TMEM132D: variants seen among roughly 807,000 people sequenced by gnomAD.
TMEM132D encodes mature OL transmembrane protein.
TMEM132D carries 21 observed loss-of-function variants against 62.3 expected under a neutral mutation model. The ratio of observed to expected loss-of-function variants is 0.34; its 90% CI spans 0.24 to 0.49. The LOEUF is 0.49. Among genes scored for constraint, TMEM132D ranks in the 20% least tolerant of loss-of-function variants. The probability of loss-of-function intolerance (pLI) is 0.99; values close to 1 mark genes in which losing one functional copy is unlikely to be tolerated. For synonymous variants in TMEM132D, 621 were observed against 575.6 expected, an observed-to-expected ratio of 1.08 and a Z score of -1.13; for missense variants, 1,346 against 1,402.8, an observed-to-expected ratio of 0.96 and a Z score of 0.65.
At chr12:129,160,405 A>G (rs1019630080) in intron 5 of TMEM132D, among the ~76,000 whole-genome samples, 1 of 152,368 alleles carries the variant, frequency 6.6e-6, no homozygotes, top group African/African-American at 2.4e-5. Flanking sequence ...AATTGAGCCA[A>G]TAAGACTCAG....
Position 129,474,156 on chromosome 12 carries a change from C to T in TMEM132D, c.1115+56903G>A, listed in dbSNP as rs191223449. 1.7e-3 allele frequency among the ~76,000 whole-genome samples: 261 copies of T among 152,318 alleles called. 2 individuals are homozygous for T. Among genetic ancestry groups the T allele is most frequent in the Non-Finnish European group, 1.9e-4 (13 of 68,036 alleles). On this transcript the variant is annotated intron_variant, in intron 3 of 8. Transcript: ENST00000422113. The stretch of plus-strand genomic sequence containing the variant: ...AACACAGTCGGTTTCTGGGCACTAA[C>T]CAATCTTTTCAAAGGCATGTGCATT...
intron 1 of TMEM132D, among the ~76,000 whole-genome samples, chr12:129,726,038 C>T (rs998889836): frequency 5.3e-5 from 8 of 152,184 alleles, no homozygotes; most frequent in African/African-American, 1.7e-4. Context: ...CTAGTAAAAA[C>T]TTGGGTGCTG....
At chr12:129,823,805 C>T (rs930296633) in intron 1 of TMEM132D, among the ~76,000 whole-genome samples, 1 of 152,154 alleles carries the variant, frequency 6.6e-6, no homozygotes, top group Admixed American at 6.5e-5. Flanking sequence ...GGGAACAATA[C>T]CTATCTTATA....
intron 5 of TMEM132D, among the ~76,000 whole-genome samples, chr12:129,102,301 T>C (rs10847766): frequency 0.5 from 76,118 of 151,970 alleles, 20,689 homozygotes; most frequent in African/African-American, 0.7. Flanking sequence ...ATCACACACA[T>C]ACACATGCAC....
At chr12:129,826,315 T>G (rs1872663315) in intron 1 of TMEM132D, among the ~76,000 whole-genome samples, 1 of 152,060 alleles carries the variant, frequency 6.6e-6, no homozygotes, top group South Asian at 2.1e-4. Context: ...GAGAAGTACA[T>G]CTTCTTTGGG....
chr12:129,138,320 T>A (rs191938593), intron 5 of TMEM132D, among the ~76,000 whole-genome samples: 1 of 152,234 alleles, frequency 6.6e-6, no homozygotes, highest in African/African-American at 2.4e-5. Flanking sequence ...ACACAATGTA[T>A]GTATTGGCTA....
chr12:129,288,758 T>C (rs933898659), intron 4 of TMEM132D, among the ~76,000 whole-genome samples: 5 of 152,160 alleles, frequency 3.3e-5, no homozygotes, highest in Non-Finnish European at 5.9e-5. Flanking sequence ...GAAAGCAGGA[T>C]CTGGGAGAGA....
At chr12:129,092,777 T>C (rs778848190) in intron 5 of TMEM132D, among the ~76,000 whole-genome samples, 8 of 152,224 alleles carry the variant, frequency 5.3e-5, no homozygotes, top group Non-Finnish European at 1.2e-4. Context: ...TGCAAGGTAC[T>C]GTACTGAATG....
At chr12:129,703,533 A>G (rs889915319) in intron 1 of TMEM132D, among the ~76,000 whole-genome samples, 2 of 152,096 alleles carry the variant, frequency 1.3e-5, no homozygotes, top group Non-Finnish European at 2.9e-5. Flanking sequence ...GAATGAACGA[A>G]GTAAAACTCA....
chr12:129,750,624 T>C (rs1202976387), intron 1 of TMEM132D, among the ~76,000 whole-genome samples: 1 of 152,128 alleles, frequency 6.6e-6, no homozygotes, highest in Non-Finnish European at 1.5e-5. Context: ...GGTTATGGAA[T>C]TGTCTTACTG....
At chr12:129,736,824 T>C (rs1434867106) in intron 1 of TMEM132D, among the ~76,000 whole-genome samples, 1 of 151,000 alleles carries the variant, frequency 6.6e-6, no homozygotes, top group Non-Finnish European at 1.5e-5. Context: ...TTTTTTTTTT[T>C]TTTTTTTTCT....
chr12:129,140,137 T>A (rs1876696313), intron 5 of TMEM132D, among the ~76,000 whole-genome samples: 1 of 151,998 alleles, frequency 6.6e-6, no homozygotes, highest in South Asian at 2.1e-4. Flanking sequence ...TTTGGGTAAT[T>A]ATACACAATT....
At chr12:129,142,126 T>C (rs1876761267) in intron 5 of TMEM132D, among the ~76,000 whole-genome samples, 1 of 151,966 alleles carries the variant, frequency 6.6e-6, no homozygotes, top group Admixed American at 6.6e-5. Flanking sequence ...AGGTTGGCCA[T>C]AAATAATGAA....
chr12:129,849,996 G>A (rs977724569), intron 1 of TMEM132D, among the ~76,000 whole-genome samples: 10 of 152,286 alleles, frequency 6.6e-5, no homozygotes, highest in Non-Finnish European at 1.2e-4. Context: ...AAATGCTCAC[G>A]CATATAGCAA....
chr12:129,464,273 C>A (rs1873802483), intron 3 of TMEM132D, among the ~76,000 whole-genome samples: 1 of 152,292 alleles, frequency 6.6e-6, no homozygotes, highest in African/African-American at 2.4e-5. Flanking sequence ...TAAATATTTT[C>A]TTTTGAGAAG....
chr12:129,167,509 GACAGGAGTC>G (rs1877600819), intron 5 of TMEM132D, among the ~76,000 whole-genome samples: 1 of 152,118 alleles, frequency 6.6e-6, no homozygotes, highest in African/African-American at 2.4e-5. Flanking sequence ...CTGCAGGAGT[GACAGGAGTC>G]AGGGGCCTCT....
chr12:129,729,442 C>T (rs1393403113), intron 1 of TMEM132D, among the ~76,000 whole-genome samples: 1 of 152,206 alleles, frequency 6.6e-6, no homozygotes, highest in Non-Finnish European at 1.5e-5. Flanking sequence ...GCACCCCAGT[C>T]ATGACAATCA....
intron 4 of TMEM132D, among the ~76,000 whole-genome samples, chr12:129,336,938 A>G (rs1422127161): frequency 6.6e-6 from 1 of 152,228 alleles, no homozygotes; most frequent in Non-Finnish European, 1.5e-5. Flanking sequence ...AACCACTGAG[A>G]GTCCAAAGCA....
At chr12:129,304,657 T>C (rs531453663) in intron 4 of TMEM132D, among the ~76,000 whole-genome samples, 28 of 149,250 alleles carry the variant, frequency 1.9e-4, no homozygotes, top group Non-Finnish European at 3.6e-4. Flanking sequence ...CAAACATACT[T>C]GGATCTTTTT....
Sources: gnomAD v4.1 joint callset for allele counts (sites outside exome capture counted in the v4.1 genomes callset) on GRCh38, gnomAD v4.1.1 for gene constraint, MANE v1.5 for transcripts, NCBI Gene and HGNC (gene_info 2026-07-23, HGNC 2026-07-21) for gene names.